The following BEND4 variants were observed in gnomAD, a reference collection of about 807,000 sequenced individuals.
BEND4 encodes the protein BEN domain containing 4.
In BEND4, 27 loss-of-function variants were observed where a neutral mutation model predicts 54.7. That is an observed-to-expected ratio of 0.49 (90% CI 0.36 to 0.68). The LOEUF (loss-of-function observed/expected upper bound fraction) is 0.68, where lower values mean the gene tolerates loss of function less well. Ranked by LOEUF, BEND4 falls within the 30% of genes least tolerant of loss-of-function variation. BEND4 has a pLI of 0.00. For missense variants in BEND4, 702 were observed against 697.2 expected (o/e 1.01, Z -0.08); for synonymous variants, 327 against 299.5 (o/e 1.09, Z -0.95).
In BEND4 at chr4:42,152,040, G is replaced by C; in HGVS notation, c.104C>G (p.Pro35Arg). 2 of 1,251,618 alleles carry C rather than the reference G, an allele frequency of 1.6e-6. No homozygotes were observed. The highest frequency in any genetic ancestry group is 2.0e-6 in the Non-Finnish European group (2 of 991,042). The allele number at this position is 1,251,618 out of a possible 1,614,324, so 77.5% of individuals were successfully genotyped here. ...SVLKTFPSKRPALAKRYERPT... is the reference protein window; with the variant it reads ...SVLKTFPSKRRALAKRYERPT... ...TCGCTCGTAGCGCTTGGCCAGCGCC[G>C]GTCTCTTGCTGGGGAACGTCTTGAG... The change falls in exon 2 of 6, where the codon CCG becomes CGG. Residue 35 changes from proline to arginine, a missense_variant. Pro to Arg is a moderately radical substitution (Grantham distance 103, BLOSUM62 -2). Transcript: ENST00000502486.
At position 42,152,273 on chromosome 4, in the gene BEND4, C is replaced by G. The variant is rs1220074042; in HGVS notation, c.-130G>C. 4.2e-6 allele frequency: 4 copies of G among 959,852 alleles called. No individual in the cohort carries two copies. The highest frequency in any genetic ancestry group is 4.5e-5 in the Admixed American group (1 of 22,082). The allele number at this position is 959,852 out of a possible 1,614,324, so 59.5% of individuals were successfully genotyped here. A position where few individuals can be genotyped will look rare whatever the true frequency, so the allele number is the denominator to read the frequency against. ...CGTGTGGGAGGGTGTGTGTCTGTGCCGTGGCCGCCGCCGCCGCCGCCTGTC... is the reference window on the plus strand; with the variant it reads ...CGTGTGGGAGGGTGTGTGTCTGTGCGGTGGCCGCCGCCGCCGCCGCCTGTC... On this transcript the variant is annotated 5_prime_UTR_variant, in exon 2 of 6. Coordinates refer to ENST00000502486, the MANE Select transcript of BEND4 (RefSeq NM_207406.4).
intron 4 of BEND4, among the ~76,000 whole-genome samples, chr4:42,124,485 G>T (rs1009147901): frequency 6.6e-6 from 1 of 152,160 alleles, no homozygotes; most frequent in Non-Finnish European, 1.5e-5. Flanking sequence ...AGGAAGAGGG[G>T]CAAGGAACCA....
At chr4:42,141,819 T>C (rs1472015103) in intron 3 of BEND4, among the ~76,000 whole-genome samples, 5 of 152,238 alleles carry the variant, frequency 3.3e-5, no homozygotes, top group Non-Finnish European at 5.9e-5. Flanking sequence ...ATTTCTTATG[T>C]ATGATTTATT....
chr4:42,131,252 A>C (rs1396991960), intron 3 of BEND4, among the ~76,000 whole-genome samples: 3 of 152,216 alleles, frequency 2.0e-5, no homozygotes, highest in African/African-American at 4.8e-5. Flanking sequence ...ATTTACATTA[A>C]GTCCCAAAAT....
At position 42,151,848 on chromosome 4, in the gene BEND4, G is replaced by A; in HGVS notation, c.296C>T (p.Ser99Leu). 1.5e-6 allele frequency: 2 copies of A among 1,331,560 alleles called. No individual in the cohort carries two copies. The highest frequency in any genetic ancestry group is 9.5e-7 in the Non-Finnish European group (1 of 1,050,692). The allele number at this position is 1,331,560 out of a possible 1,614,324, so 82.5% of individuals were successfully genotyped here. Residue 99 changes from serine to leucine, a missense_variant, in exon 2 of 6, where the codon TCG (serine) becomes TTG (leucine). Ser to Leu is a moderately radical substitution (Grantham distance 145). Coordinates refer to ENST00000502486, the MANE Select transcript of BEND4 (RefSeq NM_207406.4). The part of the protein sequence containing the change: ...GPGRAAAAAS[S>L]SSPSCTPATS... ...GGCGGGCGTGCAGGACGGCGACGAC[G>A]ACGAAGCGGCGGCGGCGGCCCGGCC...
chr4:42,126,035 C>A (rs1720268796), intron 3 of BEND4, among the ~76,000 whole-genome samples: 1 of 151,978 alleles, frequency 6.6e-6, no homozygotes, highest in South Asian at 2.1e-4. Context: ...GCCACCGCAC[C>A]CAGCCTCTAA....
At chr4:42,148,453 T>C (rs532040287) in intron 2 of BEND4, among the ~76,000 whole-genome samples, 3 of 152,350 alleles carry the variant, frequency 2.0e-5, no homozygotes, top group Non-Finnish European at 2.9e-5. Context: ...CATCGGTATA[T>C]AAAATAGGAT....
At position 42,116,582 on chromosome 4, in the gene BEND4, ATAG is replaced by A. The variant is rs1298265660; in HGVS notation, c.*933_*935del. The A allele has an allele frequency of 1.3e-5, 2 of 152,238 alleles. No individual in the cohort carries two copies. The highest frequency in any genetic ancestry group is 3.8e-4 in the East Asian group (2 of 5,208). 9.4% of individuals were successfully genotyped at this position (152,238 alleles called of 1,614,324 possible). On this transcript the variant is annotated 3_prime_UTR_variant, in exon 6 of 6. Coordinates refer to ENST00000502486, the MANE Select transcript of BEND4 (RefSeq NM_207406.4). ...GAGCAATTACTGACAAGCCCATTGC[ATAG>A]TTGTCAGAATCGCCTTGAAGCTGTG...
rs1320439678 is a variant in BEND4 at position 42,139,604 on chromosome 4, A to G, written c.1054+3824T>C. Reference sequence around the variant, plus strand: ...GGCTTTATTTCAGAAAAAAAAAAAAATCCTCAACAGCACTCCTCCGGAAAG... The same window carrying G: ...GGCTTTATTTCAGAAAAAAAAAAAAGTCCTCAACAGCACTCCTCCGGAAAG... On this transcript the variant is annotated intron_variant, in intron 3 of 5. Coordinates refer to ENST00000502486, the MANE Select transcript of BEND4 (RefSeq NM_207406.4). 2.0e-5 allele frequency among the ~76,000 whole-genome samples: 3 copies of G among 151,782 alleles called. No individual in the cohort carries two copies. The East Asian group carries it at 5.8e-4, about 29-fold the overall frequency.
intron 3 of BEND4, among the ~76,000 whole-genome samples, chr4:42,130,505 A>G (rs946984024): frequency 6.7e-6 from 1 of 150,196 alleles, no homozygotes; most frequent in Admixed American, 6.6e-5. Flanking sequence ...AAAAAATACC[A>G]CAATGAGATA....
At chr4:42,137,178 A>G (rs940579190) in intron 3 of BEND4, among the ~76,000 whole-genome samples, 3 of 152,208 alleles carry the variant, frequency 2.0e-5, no homozygotes, top group African/African-American at 7.2e-5. Flanking sequence ...AATGATATTA[A>G]TATTTGCTGT....
At chr4:42,119,871 T>C (rs1645261728) in intron 5 of BEND4, 183 bp downstream of exon 5, 2 of 673,182 alleles carry the variant, frequency 3.0e-6, no homozygotes, top group South Asian at 1.8e-5. Flanking sequence ...ACAACAACGC[T>C]AAGGCAAACG....
At chr4:42,119,962 T>C (rs758474384) in intron 5 of BEND4, 92 bp downstream of exon 5, 1 of 1,503,180 alleles carries the variant, frequency 6.7e-7, no homozygotes, top group Non-Finnish European at 9.2e-7. Flanking sequence ...GAAATCAAAA[T>C]ACAGAAGGCT....
In BEND4 at chr4:42,151,953, G is replaced by A; in HGVS notation, c.191C>T (p.Pro64Leu). 1 of 1,248,674 alleles carries A rather than the reference G, an allele frequency of 8.0e-7. No individual in the cohort carries two copies. Among genetic ancestry groups the A allele is most frequent in the East Asian group, 3.2e-5 (1 of 31,440 alleles). The allele number at this position is 1,248,674 out of a possible 1,614,324, so 77.3% of individuals were successfully genotyped here. Residue 64 changes from proline to leucine, a missense_variant, in exon 2 of 6, where the codon CCG becomes CTG. Pro to Leu is a moderately conservative substitution (Grantham distance 98). Coordinates refer to ENST00000502486, the MANE Select transcript of BEND4 (RefSeq NM_207406.4). ...APPPPPPPFAPHAAVSISSSE... is the reference protein window; with the variant it reads ...APPPPPPPFALHAAVSISSSE... ...GCTGCTGATGGAGACGGCGGCGTGC[G>A]GCGCGAAGGGCGGCGGGGGCGGCGG...
chr4:42,152,278 C>T lies in BEND4; in HGVS notation c.-135G>A, dbSNP rs959307450. 787 of 723,646 alleles carry T rather than the reference C, an allele frequency of 1.1e-3. 1 individual carries two copies. Among genetic ancestry groups the T allele is most frequent in the Non-Finnish European group, 1.3e-3 (700 of 539,328 alleles). 44.8% of individuals were successfully genotyped at this position (723,646 alleles called of 1,614,324 possible). On this transcript the variant is annotated 5_prime_UTR_variant, in exon 2 of 6. Transcript: ENST00000502486. ...GGGAGGGTGTGTGTCTGTGCCGTGGCCGCCGCCGCCGCCGCCTGTCGCTGA... is the reference window on the plus strand; with the variant it reads ...GGGAGGGTGTGTGTCTGTGCCGTGGTCGCCGCCGCCGCCGCCTGTCGCTGA...
At position 42,143,577 on chromosome 4, in the gene BEND4, TGGGATTCG is replaced by T. The variant is rs1436677621; in HGVS notation, c.897_904del (p.Glu300TrpfsTer39). Reference sequence around the variant, plus strand: ...CAGTGTAGATGAAGATGGGTGGCCATGGGATTCGGACGTTGCTGGGGAAGTCCAGCCAC... The same window carrying T: ...CAGTGTAGATGAAGATGGGTGGCCATGACGTTGCTGGGGAAGTCCAGCCAC... On this transcript the variant is annotated frameshift_variant, in exon 3 of 6. Transcript: ENST00000502486. LOFTEE classifies it high-confidence loss of function. The T allele has an allele frequency of 6.3e-7, 1 of 1,574,876 alleles. No homozygotes were observed. The highest frequency in any genetic ancestry group is 1.7e-4 in the Middle Eastern group (1 of 6,026).
At chr4:42,123,378 A>C (rs1241291047) in intron 4 of BEND4, among the ~76,000 whole-genome samples, 1 of 152,176 alleles carries the variant, frequency 6.6e-6, no homozygotes, top group East Asian at 1.9e-4. Context: ...CAGGTTATTA[A>C]ACATTGACCT....
At chr4:42,136,487 G>GT (rs1720703285) in intron 3 of BEND4, among the ~76,000 whole-genome samples, 1 of 152,150 alleles carries the variant, frequency 6.6e-6, no homozygotes, top group African/African-American at 2.4e-5. Context: ...AAATGTATTT[G>GT]TAACCCCCAA....
chr4:42,130,249 G>A (rs958962497), intron 3 of BEND4, among the ~76,000 whole-genome samples: 2 of 152,132 alleles, frequency 1.3e-5, no homozygotes, highest in African/African-American at 4.8e-5. Context: ...GGGAGGCCGA[G>A]GCGGGCGGAT....
Sources: allele counts gnomAD v4.1 joint callset (sites outside exome capture counted in the v4.1 genomes callset), GRCh38; gene constraint gnomAD v4.1.1; transcripts MANE v1.5; gene names NCBI Gene and HGNC (gene_info 2026-07-23, HGNC 2026-07-21).